RNF11: variants seen among roughly 807,000 people sequenced by gnomAD.
RNF11 encodes ring finger protein 11.
A neutral mutation model predicts 15.8 loss-of-function variants in RNF11; 4 were observed. The ratio of observed to expected loss-of-function variants is 0.25; its 90% CI spans 0.12 to 0.58. The LOEUF (loss-of-function observed/expected upper bound fraction) is 0.58, where lower values mean the gene tolerates loss of function less well. RNF11 is among the 20% of genes least tolerant of loss of function. RNF11 has a pLI of 0.91. For synonymous variants in RNF11, 68 were observed against 72.3 expected, an observed-to-expected ratio of 0.94 and a Z score of 0.30; for missense variants, 139 against 194.4, an observed-to-expected ratio of 0.71 and a Z score of 1.70.
chr1:51,236,566 C>A lies in RNF11; in HGVS notation c.-191C>A. On this transcript the variant is annotated 5_prime_UTR_variant, in exon 1 of 3. Transcript: ENST00000242719. ...GACCCCAGCGGAGCCCGCGGCCCAG[C>A]CTTGATCCCCCAACCCCGGGGGCTG... 1 of 513,906 alleles carries A rather than the reference C, an allele frequency of 1.9e-6. No homozygotes were observed. Among genetic ancestry groups the A allele is most frequent in the Non-Finnish European group, 3.2e-6 (1 of 312,114 alleles). 31.8% of individuals were successfully genotyped at this position (513,906 alleles called of 1,614,324 possible).
At chr1:51,251,373 C>G in intron 1 of RNF11, 1 of 1,473,458 alleles carries the variant, frequency 6.8e-7, no homozygotes, top group African/African-American at 1.4e-5. Flanking sequence ...GCTGCGACCC[C>G]GGCCCCGGAT....
At chr1:51,239,454 A>C (rs984335464) in intron 1 of RNF11, among the ~76,000 whole-genome samples, 1 of 152,236 alleles carries the variant, frequency 6.6e-6, no homozygotes, top group Non-Finnish European at 1.5e-5. Flanking sequence ...ACATGGGAGC[A>C]TAAAAAGAAA....
chr1:51,264,273 AAAAAAAAAAAAAAAAT>A (rs1646943178), intron 1 of RNF11, among the ~76,000 whole-genome samples: 1 of 92,648 alleles, frequency 1.1e-5, no homozygotes, highest in South Asian at 3.4e-4. Context: ...AAAAAAAAAA[AAAAAAAAAAAAAAAAT>A]ATATATATAT....
intron 1 of RNF11, among the ~76,000 whole-genome samples, chr1:51,262,504 G>T (rs1646934522): frequency 6.6e-6 from 1 of 152,088 alleles, no homozygotes; most frequent in African/African-American, 2.4e-5. Flanking sequence ...TAAAGAAAGT[G>T]AAAAGATAAC....
chr1:51,266,711 T>C (rs1646956360), intron 1 of RNF11, among the ~76,000 whole-genome samples: 1 of 152,190 alleles, frequency 6.6e-6, no homozygotes, highest in Non-Finnish European at 1.5e-5. Context: ...TATCCGCCTG[T>C]CTTGGCCTTC....
chr1:51,272,252 A>G lies in RNF11; in HGVS notation c.*930A>G, dbSNP rs1646982417. The G allele has an allele frequency of 2.0e-5, 3 of 152,646 alleles. No homozygotes were observed. Among genetic ancestry groups the G allele is most frequent in the Non-Finnish European group, 4.4e-5 (3 of 68,026 alleles). The allele number at this position is 152,646 out of a possible 1,614,324, so 9.5% of individuals were successfully genotyped here. On this transcript the variant is annotated 3_prime_UTR_variant, in exon 3 of 3. Transcript: ENST00000242719. ...GAGACCTAATGAGAAATAGTTACTC[A>G]GTTGTAAAAATTTTGATTTATTCTC...
chr1:51,250,938 G>A (rs1411209486), intron 1 of RNF11: 20 of 1,195,646 alleles, frequency 1.7e-5, no homozygotes, highest in Middle Eastern at 2.6e-4. Context: ...CACCTTGCAA[G>A]GGACGGTGTG....
chr1:51,240,194 C>A (rs570063413), intron 1 of RNF11, among the ~76,000 whole-genome samples: 7 of 152,242 alleles, frequency 4.6e-5, no homozygotes, highest in African/African-American at 1.4e-4. Flanking sequence ...TAATCTGTAC[C>A]CCTTGTTTCC....
At chr1:51,257,998 C>T (rs890336379) in intron 1 of RNF11, among the ~76,000 whole-genome samples, 5 of 150,022 alleles carry the variant, frequency 3.3e-5, no homozygotes, top group Non-Finnish European at 7.4e-5. Flanking sequence ...GGATTATAGG[C>T]ACCCACCACC....
intron 1 of RNF11, among the ~76,000 whole-genome samples, chr1:51,243,431 G>GTTA (rs748099098): frequency 4.1e-4 from 62 of 151,664 alleles, no homozygotes; most frequent in Middle Eastern, 3.4e-3. Flanking sequence ...CTTAATGATT[G>GTTA]TTATTATTAT....
intron 1 of RNF11, 53 bp from the exon 2 acceptor site, chr1:51,269,903 C>A: frequency 6.7e-7 from 1 of 1,502,242 alleles, no homozygotes; most frequent in South Asian, 1.2e-5. Flanking sequence ...AAAAATAAGC[C>A]CTCGAAAGGT....
At chr1:51,241,740 A>T (rs935798402) in intron 1 of RNF11, among the ~76,000 whole-genome samples, 1 of 152,190 alleles carries the variant, frequency 6.6e-6, no homozygotes, top group African/African-American at 2.4e-5. Flanking sequence ...AATACAGAGG[A>T]AATCTGCCCA....
At chr1:51,254,208 T>G (rs964794227) in intron 1 of RNF11, among the ~76,000 whole-genome samples, 1 of 143,476 alleles carries the variant, frequency 7.0e-6, no homozygotes, top group African/African-American at 2.8e-5. Flanking sequence ...TAGGTTATAG[T>G]TTTTTTTTTA....
chr1:51,246,851 G>T (rs1340402188), intron 1 of RNF11, among the ~76,000 whole-genome samples: 2 of 151,866 alleles, frequency 1.3e-5, no homozygotes, highest in East Asian at 1.9e-4. Context: ...CTGGGCTTGT[G>T]CCTGTGGTCC....
intron 1 of RNF11, among the ~76,000 whole-genome samples, chr1:51,245,193 G>A (rs1646846337): frequency 6.6e-6 from 1 of 152,164 alleles, no homozygotes; most frequent in Admixed American, 6.5e-5. Flanking sequence ...CTGAGTAGCT[G>A]GGACTATAGG....
intron 1 of RNF11, among the ~76,000 whole-genome samples, chr1:51,259,630 G>C (rs1158285018): frequency 6.6e-6 from 1 of 152,064 alleles, no homozygotes; most frequent in African/African-American, 2.4e-5. Flanking sequence ...AAATTTCCTA[G>C]ACTACCTCTT....
Position 51,236,837 on chromosome 1 carries a change from C to G in RNF11, c.81C>G (p.Gly27=). The G allele has an allele frequency of 6.2e-7, 1 of 1,611,774 alleles. No individual in the cohort carries two copies. Among genetic ancestry groups the G allele is most frequent in the Non-Finnish European group, 8.5e-7 (1 of 1,179,050 alleles). Residue 27 remains glycine, a synonymous_variant, in exon 1 of 3, where the codon GGC becomes GGG. Coordinates refer to ENST00000242719, the MANE Select transcript of RNF11 (RefSeq NM_014372.5). ...CTCAGTCCGACCGGGCTAGCTTTGG[C>G]GAGGGGACGGAGCCGGATCAGGAGC... is the stretch of plus-strand genomic sequence containing the variant. The part of the protein sequence containing the change: ...HESQSDRASF[G]EGTEPDQEPP...
At chr1:51,250,309 A>G (rs1646870709) in intron 1 of RNF11, among the ~76,000 whole-genome samples, 2 of 152,150 alleles carry the variant, frequency 1.3e-5, no homozygotes, top group South Asian at 4.1e-4. Flanking sequence ...AATATTTAAG[A>G]TGTATTTTCA....
In RNF11 at chr1:51,237,348, T is replaced by G. The variant is rs192813810; in HGVS notation, c.123+469T>G. The stretch of plus-strand genomic sequence containing the variant: ...CTTTTTGTTAATTGGATCTGGCAGG[T>G]TTTCCCTCTGCTTGGGAGACGGATC... On this transcript the variant is annotated intron_variant, in intron 1 of 2. Transcript: ENST00000242719. Among the ~76,000 whole-genome samples the G allele has an allele frequency of 7.8e-4, 118 of 151,312 alleles. 2 individuals carry two copies. In the East Asian group the frequency reaches 0.021, roughly 27 times the overall value.
Sources: gnomAD v4.1 joint callset for allele counts (sites outside exome capture counted in the v4.1 genomes callset) on GRCh38, gnomAD v4.1.1 for gene constraint, MANE v1.5 for transcripts, NCBI Gene and HGNC (gene_info 2026-07-23, HGNC 2026-07-21) for gene names.